CCDC38: variants seen among roughly 807,000 people sequenced by gnomAD.
CCDC38 encodes the protein coiled-coil domain-containing protein 38.
CCDC38 carries 69 observed loss-of-function variants against 72.8 expected under a neutral mutation model. The observed-to-expected ratio is 0.95, with a 90% CI of 0.78 to 1.16. The LOEUF (loss-of-function observed/expected upper bound fraction) is 1.16. Among genes scored for constraint, CCDC38 ranks in the 50% most tolerant of loss-of-function variants. The probability of loss-of-function intolerance (pLI) is 0.00; values close to 1 mark genes in which losing one functional copy is unlikely to be tolerated. For synonymous variants in CCDC38, 201 were observed against 213.2 expected (o/e 0.94, Z 0.50); for missense variants, 626 against 638.9 (o/e 0.98, Z 0.22).
At chr12:95,871,529 G>T (rs2079580138) in intron 14 of CCDC38, among the ~76,000 whole-genome samples, 2 of 152,134 alleles carry the variant, frequency 1.3e-5, no homozygotes, top group African/African-American at 4.8e-5. Flanking sequence ...ATGGAAATTT[G>T]TAAGTGAACG....
chr12:95,927,509 C>T (rs10161039), intron 2 of CCDC38, among the ~76,000 whole-genome samples: 7,728 of 151,684 alleles, frequency 0.051, 662 homozygotes, highest in African/African-American at 0.18. Flanking sequence ...CAGTCTGTGC[C>T]TTTTAATTGA....
At chr12:95,930,064 C>A (rs1216468322) in intron 2 of CCDC38, among the ~76,000 whole-genome samples, 1 of 152,120 alleles carries the variant, frequency 6.6e-6, no homozygotes, top group African/African-American at 2.4e-5. Flanking sequence ...ATTACATTTG[C>A]AAAGATCCTT....
At chr12:95,882,636 T>C (rs1421771399) in intron 10 of CCDC38, among the ~76,000 whole-genome samples, 1 of 152,126 alleles carries the variant, frequency 6.6e-6, no homozygotes, top group Non-Finnish European at 1.5e-5. Context: ...TGCTCTTGGG[T>C]TGAGCAACAT....
intron 4 of CCDC38, among the ~76,000 whole-genome samples, chr12:95,908,452 A>C (rs1272035255): frequency 4.6e-3 from 1 of 218 alleles, no homozygotes; most frequent in Non-Finnish European, 6.9e-3. Context: ...AAAGAGGGAG[A>C]GGGAGAGGGA....
At chr12:95,903,363 T>G in intron 5 of CCDC38, 1 of 691,462 alleles carries the variant, frequency 1.4e-6, no homozygotes, top group Non-Finnish European at 2.6e-6. Flanking sequence ...TCATTTCCAA[T>G]CTAAATGTCT....
chr12:95,935,473 G>A (rs900926738), intron 2 of CCDC38: 5 of 241,204 alleles, frequency 2.1e-5, no homozygotes, highest in African/African-American at 9.2e-5. Flanking sequence ...CAGGCCAGAA[G>A]GAGTTGGGCC....
intron 3 of CCDC38, among the ~76,000 whole-genome samples, chr12:95,917,989 T>A (rs573416104): frequency 6.6e-6 from 1 of 152,286 alleles, no homozygotes; most frequent in African/African-American, 2.4e-5. Context: ...CTTCTCTCAA[T>A]TTAATTTTAA....
At chr12:95,882,368 G>A (rs2079710490) in intron 10 of CCDC38, among the ~76,000 whole-genome samples, 1 of 152,152 alleles carries the variant, frequency 6.6e-6, no homozygotes, top group Non-Finnish European at 1.5e-5. Flanking sequence ...AGACAAAGAT[G>A]ACTCCAACAT....
intron 1 of CCDC38, among the ~76,000 whole-genome samples, chr12:95,940,154 C>T (rs189264604): frequency 1.4e-3 from 215 of 152,304 alleles, no homozygotes; most frequent in Non-Finnish European, 2.3e-3. Context: ...ACTCTGTCAA[C>T]TGCCGCCATT....
At chr12:95,927,954 C>T (rs200558438) in intron 2 of CCDC38, among the ~76,000 whole-genome samples, 1 of 149,692 alleles carries the variant, frequency 6.7e-6, no homozygotes. Flanking sequence ...CGACCTTTCT[C>T]TCTGGCTGCC....
At chr12:95,867,309 A>G in intron 15 of CCDC38, 120 bp from the exon 16 acceptor site, 1 of 647,610 alleles carries the variant, frequency 1.5e-6, no homozygotes, top group Non-Finnish European at 2.8e-6. Flanking sequence ...TTGTAACATT[A>G]ACTAATCACA....
At chr12:95,867,342 A>G (rs2079531301) in intron 15 of CCDC38, among the ~76,000 whole-genome samples, 153 bp from the exon 16 acceptor site, 1 of 152,072 alleles carries the variant, frequency 6.6e-6, no homozygotes, top group South Asian at 2.1e-4. Context: ...TTATAACCTA[A>G]CGGATGTCTA....
At chr12:95,941,373 G>A (rs994649873) in intron 1 of CCDC38, among the ~76,000 whole-genome samples, 1 of 152,100 alleles carries the variant, frequency 6.6e-6, no homozygotes, top group African/African-American at 2.4e-5. Flanking sequence ...TTTAGAGCTG[G>A]GCACTGGGCT....
intron 10 of CCDC38, among the ~76,000 whole-genome samples, chr12:95,884,364 A>G (rs2079733976): frequency 6.6e-6 from 1 of 152,254 alleles, no homozygotes; most frequent in Non-Finnish European, 1.5e-5. Context: ...TTTGCTATAA[A>G]TCTAACAAAA....
chr12:95,871,138 C>A (rs1327857336), intron 14 of CCDC38, among the ~76,000 whole-genome samples: 3 of 152,152 alleles, frequency 2.0e-5, no homozygotes, highest in African/African-American at 7.2e-5. Context: ...TCCCTACATG[C>A]CACAGTAAGC....
intron 5 of CCDC38, chr12:95,903,653 G>T: frequency 4.1e-6 from 2 of 490,428 alleles, no homozygotes; most frequent in South Asian, 3.9e-5. Context: ...ATAATCATAT[G>T]GGTTTTCATT....
intron 4 of CCDC38, among the ~76,000 whole-genome samples, chr12:95,909,664 C>A (rs1354804817): frequency 2.0e-5 from 3 of 152,096 alleles, no homozygotes; most frequent in Non-Finnish European, 4.4e-5. Context: ...AAAACACTAG[C>A]AAACTGAATC....
chr12:95,894,451 G>A (rs2079863851), intron 8 of CCDC38, among the ~76,000 whole-genome samples: 1 of 152,178 alleles, frequency 6.6e-6, no homozygotes, highest in Admixed American at 6.5e-5. Context: ...GGTCCCCAAT[G>A]TCAGAGGTGG....
chr12:95,869,726 G>T, intron 14 of CCDC38, 153 bp from the exon 15 acceptor site: 1 of 570,138 alleles, frequency 1.8e-6, no homozygotes, highest in Non-Finnish European at 3.0e-6. Context: ...CGTGGCTTTT[G>T]AATATTCAGG....
Sources: gnomAD v4.1 joint callset for allele counts (sites outside exome capture counted in the v4.1 genomes callset) on GRCh38, gnomAD v4.1.1 for gene constraint, MANE v1.5 for transcripts, NCBI Gene and HGNC (gene_info 2026-07-23, HGNC 2026-07-21) for gene names.